The following CADPS variants were observed in gnomAD, a reference collection of about 807,000 sequenced individuals.
CADPS encodes the protein calcium-dependent secretion activator 1.
In CADPS, 57 loss-of-function variants were observed where a neutral mutation model predicts 167.3. The ratio of observed to expected loss-of-function variants is 0.34; its 90% CI spans 0.28 to 0.42. The LOEUF (loss-of-function observed/expected upper bound fraction) is 0.42, where lower values mean the gene tolerates loss of function less well. CADPS is among the 20% of genes least tolerant of loss of function. The pLI, the probability that CADPS is intolerant of heterozygous loss-of-function variation, is 1.00. For missense variants in CADPS, 1,414 were observed against 1,738.1 expected, an observed-to-expected ratio of 0.81 and a Z score of 3.32; for synonymous variants, 676 against 635.3, an observed-to-expected ratio of 1.06 and a Z score of -0.96.
In CADPS at chr3:62,662,413, A is replaced by G. The variant is rs1373006577; in HGVS notation, c.889-19T>C. 2 of 1,612,314 alleles carry G rather than the reference A, an allele frequency of 1.2e-6. No homozygotes were observed. Among genetic ancestry groups the G allele is most frequent in the Middle Eastern group, 1.7e-4 (1 of 6,058 alleles). On this transcript the variant is annotated intron_variant, in intron 3 of 29. Transcript: ENST00000383710. Reference sequence around the variant, plus strand: ...TGTCCAGCTGCACAAAAGCACAGACATTGAGACTTTTAGTTTGGGTCACAA... The same window carrying G: ...TGTCCAGCTGCACAAAAGCACAGACGTTGAGACTTTTAGTTTGGGTCACAA...
chr3:62,551,225 C>T (rs986473020), intron 10 of CADPS, among the ~76,000 whole-genome samples: 1 of 152,158 alleles, frequency 6.6e-6, no homozygotes. Flanking sequence ...GGTCTTTCTC[C>T]CTGACCTCCT....
intron 3 of CADPS, among the ~76,000 whole-genome samples, chr3:62,708,748 T>C (rs1040918079): frequency 6.6e-6 from 1 of 152,042 alleles, no homozygotes. Context: ...CCTGCTATAA[T>C]TGCCTCCACT....
At chr3:62,684,928 G>A (rs1054938840) in intron 3 of CADPS, among the ~76,000 whole-genome samples, 11 of 152,150 alleles carry the variant, frequency 7.2e-5, no homozygotes, top group Non-Finnish European at 7.4e-5. Flanking sequence ...CTTCTTGATA[G>A]AAGTGAAAGG....
chr3:62,562,243 T>G (rs1056185815), intron 9 of CADPS, among the ~76,000 whole-genome samples: 25 of 152,186 alleles, frequency 1.6e-4, no homozygotes, highest in Admixed American at 7.9e-4. Context: ...AGGACTATTT[T>G]TAATGTGATG....
intron 5 of CADPS, among the ~76,000 whole-genome samples, chr3:62,647,761 A>C (rs2068923277): frequency 6.6e-6 from 1 of 152,204 alleles, no homozygotes; most frequent in Non-Finnish European, 1.5e-5. Context: ...TCACATCCTG[A>C]TTATGCATTT....
chr3:62,781,389 C>G lies in CADPS; in HGVS notation c.442-15405G>C, dbSNP rs114273279. 4.8e-3 allele frequency among the ~76,000 whole-genome samples: 734 copies of G among 152,278 alleles called. 4 individuals are homozygous for G. Among genetic ancestry groups the G allele is most frequent in the African/African-American group, 0.014 (574 of 41,570 alleles). ...CCCATTTAGAAATACAAAAGTCACT[C>G]CTCCTTTCAAACCTCTCCTTTCAAA... On this transcript the variant is annotated intron_variant, in intron 1 of 29. Transcript: ENST00000383710.
chr3:62,592,055 A>T (rs1031611640), intron 7 of CADPS, among the ~76,000 whole-genome samples: 4 of 152,182 alleles, frequency 2.6e-5, no homozygotes, highest in African/African-American at 7.2e-5. Context: ...AGTATTGCTT[A>T]ATATGTCAGT....
chr3:62,493,189 C>T (rs1274905039), intron 19 of CADPS, among the ~76,000 whole-genome samples: 1 of 152,108 alleles, frequency 6.6e-6, no homozygotes, highest in Non-Finnish European at 1.5e-5. Context: ...TGCACATGGG[C>T]CCTTGGAAAT....
chr3:62,652,352 C>A (rs570465645), intron 4 of CADPS, among the ~76,000 whole-genome samples: 1 of 149,362 alleles, frequency 6.7e-6, no homozygotes, highest in Non-Finnish European at 1.5e-5. Context: ...AGTAGAACCC[C>A]ACCTAGATCC....
intron 14 of CADPS, among the ~76,000 whole-genome samples, chr3:62,517,927 A>G (rs1334890050): frequency 6.6e-6 from 1 of 152,192 alleles, no homozygotes. Flanking sequence ...CAGCTCAAAC[A>G]TGGAAGAATT....
At chr3:62,500,958 G>A (rs1471047776) in intron 17 of CADPS, among the ~76,000 whole-genome samples, 3 of 152,208 alleles carry the variant, frequency 2.0e-5, no homozygotes, top group Non-Finnish European at 2.9e-5. Context: ...AAGGTGATTA[G>A]TGGGACAGGG....
chr3:62,434,232 A>G (rs199817632), intron 28 of CADPS, among the ~76,000 whole-genome samples: 2 of 152,200 alleles, frequency 1.3e-5, no homozygotes, highest in East Asian at 3.8e-4. Context: ...GCAGCAACTG[A>G]AAACAATATA....
rs1229559600 is a variant in CADPS, at chr3:62,547,585, C to T, written c.1966+2318G>A. Among the ~76,000 whole-genome samples the T allele has an allele frequency of 1.1e-4, 9 of 82,448 alleles. 1 individual carries two copies. The highest frequency in any genetic ancestry group is 7.0e-4 in the East Asian group (2 of 2,848). 54.1% of individuals were successfully genotyped at this position (82,448 alleles called of 152,430 possible). ...TATTCCCTAGGGATGATATCATTTA[C>T]GCCCCCCCCCCCCCGCAAATTCTAA... On this transcript the variant is annotated intron_variant, in intron 11 of 29. Coordinates refer to ENST00000383710, the MANE Select transcript of CADPS (RefSeq NM_003716.4).
At chr3:62,765,165 T>C (rs375026720) in intron 2 of CADPS, among the ~76,000 whole-genome samples, 1 of 152,236 alleles carries the variant, frequency 6.6e-6, no homozygotes, top group East Asian at 1.9e-4. Flanking sequence ...GCATGTCCAC[T>C]TCATAATCAT....
intron 18 of CADPS, 144 bp from the exon 19 acceptor site, chr3:62,493,809 C>T: frequency 1.5e-6 from 1 of 658,276 alleles, no homozygotes; most frequent in Non-Finnish European, 2.6e-6. Flanking sequence ...GAGATGCTGG[C>T]CTGTCAGCAA....
At chr3:62,552,977 A>G (rs1462920876) in intron 10 of CADPS, among the ~76,000 whole-genome samples, 1 of 152,198 alleles carries the variant, frequency 6.6e-6, no homozygotes, top group African/African-American at 2.4e-5. Flanking sequence ...AAATTCTGAA[A>G]GGGGAAGGAG....
chr3:62,557,272 T>C, intron 10 of CADPS, 133 bp downstream of exon 10: 2 of 684,504 alleles, frequency 2.9e-6, no homozygotes, highest in Non-Finnish European at 5.3e-6. Flanking sequence ...GTGACTGTCA[T>C]GCACACAGCT....
rs1429856940 is a variant in CADPS at position 62,874,643 on chromosome 3, G to T, written c.387C>A (p.Ile129=). The T allele has an allele frequency of 2.9e-5, 45 of 1,560,050 alleles. No homozygotes were observed. In the Middle Eastern group the frequency reaches 2.8e-3, roughly 98 times the overall value. The change falls in exon 1 of 30, where the codon ATC becomes ATA. Residue 129 remains isoleucine (I), a synonymous_variant. Transcript: ENST00000383710. This position sits in a 1 kb window ranked among gnomAD's most constrained non-coding sequence, Gnocchi z 7.1. ...GCTGCTTGGCATTAAAGGGGTAGGC[G>T]ATGCAGCGCATCACGAACACATACA... ...LQLYVFVMRC[I]AYPFNAKQPT...
chr3:62,794,100 A>C (rs532822327), intron 1 of CADPS, among the ~76,000 whole-genome samples: 1 of 152,326 alleles, frequency 6.6e-6, no homozygotes, highest in African/African-American at 2.4e-5. Context: ...ACTCTAATTT[A>C]AATAAAAAAT....
Sources: gnomAD v4.1 joint callset for allele counts (sites outside exome capture counted in the v4.1 genomes callset) on GRCh38, gnomAD v4.1.1 for gene constraint, Gnocchi (gnomAD v3.1) non-coding constraint, MANE v1.5 for transcripts, NCBI Gene and HGNC (gene_info 2026-07-23, HGNC 2026-07-21) for gene names.